Variants in ECD observed in about 807,000 individuals in gnomAD.
ECD encodes the protein protein ecdysoneless homolog.
ECD carries 59 observed loss-of-function variants against 77.2 expected under a neutral mutation model. The observed-to-expected ratio is 0.76, with a 90% CI of 0.62 to 0.95. The LOEUF is 0.95. Ranked by LOEUF, ECD falls within the 40% of genes least tolerant of loss-of-function variation. ECD has a pLI of 0.00. For missense variants in ECD, 704 were observed against 763.4 expected, an observed-to-expected ratio of 0.92 and a Z score of 0.92; for synonymous variants, 233 against 267.4, an observed-to-expected ratio of 0.87 and a Z score of 1.26.
chr10:73,164,092 T>G (rs1843418148), intron 1 of ECD, 142 bp from the exon 2 acceptor site: 2 of 682,088 alleles, frequency 2.9e-6, no homozygotes, highest in African/African-American at 1.8e-5. Flanking sequence ...TCCTATCACT[T>G]TGGGAGGCCG....
chr10:73,153,760 A>T (rs1843253374), intron 6 of ECD, among the ~76,000 whole-genome samples: 1 of 150,326 alleles, frequency 6.7e-6, no homozygotes, highest in Non-Finnish European at 1.5e-5. Flanking sequence ...GGAAATAATT[A>T]TAGAAATAGA....
intron 7 of ECD, 140 bp downstream of exon 7, chr10:73,152,152 TC>T: frequency 9.3e-7 from 1 of 1,073,652 alleles, no homozygotes; most frequent in Non-Finnish European, 1.3e-6. Flanking sequence ...TCCATTTTTT[TC>T]ATTCTAATTT....
At chr10:73,165,956 C>G (rs933607358) in intron 1 of ECD, among the ~76,000 whole-genome samples, 2 of 152,134 alleles carry the variant, frequency 1.3e-5, no homozygotes, top group Non-Finnish European at 2.9e-5. Flanking sequence ...CATACTCCCC[C>G]ACAAACCCTC....
chr10:73,150,922 T>C (rs1416231916), intron 7 of ECD, among the ~76,000 whole-genome samples: 2 of 152,176 alleles, frequency 1.3e-5, no homozygotes, highest in African/African-American at 2.4e-5. Context: ...TTTTACACTG[T>C]TGGTGGGACT....
chr10:73,137,154 TA>T (rs112496403), intron 12 of ECD, among the ~76,000 whole-genome samples: 13 of 151,120 alleles, frequency 8.6e-5, no homozygotes, highest in African/African-American at 1.9e-4. Context: ...AGATTTAGCT[TA>T]AAAAAAAGTG....
chr10:73,158,884 T>C (rs1843338231), intron 3 of ECD, among the ~76,000 whole-genome samples: 1 of 151,896 alleles, frequency 6.6e-6, no homozygotes, highest in African/African-American at 2.4e-5. Context: ...AAAAACTAAA[T>C]AAATAATAAA....
At chr10:73,166,613 T>C (rs1843470404) in intron 1 of ECD, among the ~76,000 whole-genome samples, 2 of 152,258 alleles carry the variant, frequency 1.3e-5, no homozygotes, top group South Asian at 4.1e-4. Flanking sequence ...TTATGTCTTC[T>C]TTGAGAAATG....
intron 5 of ECD, among the ~76,000 whole-genome samples, 181 bp from the exon 6 acceptor site, chr10:73,154,629 A>C (rs576610491): frequency 5.1e-4 from 78 of 152,326 alleles, no homozygotes; most frequent in Middle Eastern, 3.4e-3. Flanking sequence ...GAAAGAAAAA[A>C]GTAGGAAGAA....
At chr10:73,144,468 C>A (rs1425189919) in intron 9 of ECD, among the ~76,000 whole-genome samples, 1 of 151,756 alleles carries the variant, frequency 6.6e-6, no homozygotes, top group Non-Finnish European at 1.5e-5. Context: ...CCAGTCTAGG[C>A]AACAGAGTGA....
chr10:73,147,884 A>G (rs1843149295), intron 8 of ECD, among the ~76,000 whole-genome samples: 1 of 152,104 alleles, frequency 6.6e-6, no homozygotes, highest in African/African-American at 2.4e-5. Flanking sequence ...GTTCATATAT[A>G]TATATATATA....
At chr10:73,143,870 C>G (rs909103902) in intron 9 of ECD, among the ~76,000 whole-genome samples, 15 of 104,182 alleles carry the variant, frequency 1.4e-4, no homozygotes, top group Admixed American at 1.3e-3. Context: ...TTTTTGAAAT[C>G]TATTCATTTA....
rs1372874560 is a variant in ECD, at chr10:73,139,360, A to G, written c.1370T>C (p.Met457Thr). ...NYDLTEVSES[M>T]KAFISKVSTH... ...TGAGACTTTGGATATGAAAGCTTTCATGCTCTCTGAGACTTCAGTTAAGTC... is the reference window on the plus strand; with the variant it reads ...TGAGACTTTGGATATGAAAGCTTTCGTGCTCTCTGAGACTTCAGTTAAGTC... Residue 457 changes from methionine to threonine, a missense_variant, in exon 11 of 14, where the codon ATG (methionine) becomes ACG (threonine). Transcript: ENST00000372979. 6.8e-6 allele frequency: 11 copies of G among 1,614,152 alleles called. No homozygotes were observed. Among genetic ancestry groups the G allele is most frequent in the Admixed American group, 1.7e-5 (1 of 60,008 alleles).
In ECD at chr10:73,137,008, A is replaced by G. The variant is rs1842983070; in HGVS notation, c.1490-90T>C. On this transcript the variant is annotated intron_variant, in intron 12 of 13. Coordinates refer to ENST00000372979, the MANE Select transcript of ECD (RefSeq NM_007265.3). The stretch of plus-strand genomic sequence containing the variant: ...TTATTTAGTTACTACACATCTCAAA[A>G]TAATTAGAATGTTACCCACAGAAAA... The G allele has an allele frequency of 4.6e-6, 3 of 659,022 alleles. No homozygotes were observed. The Admixed American group carries it at 1.4e-4, about 31-fold the overall frequency. 40.8% of individuals were successfully genotyped at this position (659,022 alleles called of 1,614,324 possible).
chr10:73,165,311 G>T (rs1312068003), intron 1 of ECD, among the ~76,000 whole-genome samples: 3 of 151,658 alleles, frequency 2.0e-5, no homozygotes, highest in Admixed American at 6.6e-5. Flanking sequence ...AAGTCTCATG[G>T]GATGGTAGGT....
intron 2 of ECD, among the ~76,000 whole-genome samples, chr10:73,163,449 T>G (rs964301114): frequency 6.6e-6 from 1 of 152,220 alleles, no homozygotes; most frequent in Non-Finnish European, 1.5e-5. Context: ...CTTAGATACA[T>G]TATGGCATAG....
chr10:73,167,202 T>A (rs537920429), intron 1 of ECD, among the ~76,000 whole-genome samples: 1 of 152,300 alleles, frequency 6.6e-6, no homozygotes, highest in East Asian at 1.9e-4. Context: ...TTACTATAAC[T>A]CTGTTGTATA....
At chr10:73,160,651 G>A in intron 2 of ECD, 100 bp from the exon 3 acceptor site, 1 of 846,572 alleles carries the variant, frequency 1.2e-6, no homozygotes, top group Non-Finnish European at 1.8e-6. Flanking sequence ...TTGACTGATT[G>A]CTCTAAGTAC....
intron 9 of ECD, among the ~76,000 whole-genome samples, chr10:73,142,424 G>A (rs1307740623): frequency 1.3e-5 from 2 of 151,992 alleles, no homozygotes; most frequent in African/African-American, 4.8e-5. Context: ...TCACAGGTCA[G>A]GAGATCGAGA....
At chr10:73,157,662 C>T (rs1052898409) in intron 3 of ECD, among the ~76,000 whole-genome samples, 3 of 150,844 alleles carry the variant, frequency 2.0e-5, no homozygotes, top group Non-Finnish European at 4.4e-5. Context: ...GCAGAGGTTG[C>T]GGTGAGCCGA....
Sources: gnomAD v4.1 joint callset for allele counts (sites outside exome capture counted in the v4.1 genomes callset) on GRCh38, gnomAD v4.1.1 for gene constraint, MANE v1.5 for transcripts, NCBI Gene and HGNC (gene_info 2026-07-23, HGNC 2026-07-21) for gene names.